The following GSE1 variants were observed in gnomAD, a reference collection of about 807,000 sequenced individuals.
GSE1 encodes Gse1 coiled-coil protein, also known as genetic suppressor element 1.
A neutral mutation model predicts 112.6 loss-of-function variants in GSE1; 32 were observed. The observed-to-expected ratio is 0.28, with a 90% CI of 0.21 to 0.38. The LOEUF (loss-of-function observed/expected upper bound fraction) is 0.38, where lower values mean the gene tolerates loss of function less well. Among genes scored for constraint, GSE1 ranks in the 10% least tolerant of loss-of-function variants. The pLI is 1.00. For missense variants in GSE1, 2,348 were observed against 1,699.2 expected (o/e 1.38, Z -6.71); for synonymous variants, 1,115 against 735.6 (o/e 1.52, Z -8.35).
chr16:85,553,046 TTTC>T (rs1437936060), upstream of GSE1, among the ~76,000 whole-genome samples: 1 of 137,140 alleles, frequency 7.3e-6, no homozygotes, highest in Non-Finnish European at 1.7e-5. Context: ...TAAAAATAGT[TTTC>T]TTTTTTTTTT....
At chr16:85,467,705 T>G (rs572077160) in intron 2 of GSE1, among the ~76,000 whole-genome samples, 57 of 152,300 alleles carry the variant, frequency 3.7e-4, no homozygotes, top group Non-Finnish European at 1.0e-4. Context: ...GCAGCATCAC[T>G]TCTATGGTGG....
intron 10 of GSE1, 47 bp from the exon 11 acceptor site, chr16:85,663,297 A>G: frequency 6.2e-7 from 1 of 1,600,952 alleles, no homozygotes; most frequent in African/African-American, 1.3e-5. Context: ...GTGCAAGCAT[A>G]CCACTGCCAG....
At chr16:85,521,829 G>T (rs1182993054) in intron 2 of GSE1, among the ~76,000 whole-genome samples, 1 of 152,242 alleles carries the variant, frequency 6.6e-6, no homozygotes, top group Non-Finnish European at 1.5e-5. Context: ...GCGCGCTGGC[G>T]CTCAGCCCAG....
chr16:85,381,250 T>C (rs2047540168), intron 2 of GSE1, among the ~76,000 whole-genome samples: 2 of 152,256 alleles, frequency 1.3e-5, no homozygotes. Flanking sequence ...GCGTGGTGTC[T>C]TCCAGGTTCA....
intron 2 of GSE1, among the ~76,000 whole-genome samples, chr16:85,456,031 TGTAA>T (rs1437431371): frequency 6.6e-6 from 1 of 152,186 alleles, no homozygotes; most frequent in Non-Finnish European, 1.5e-5. Context: ...GATACCCAGT[TGTAA>T]GTAACAGAGC....
chr16:85,382,539 G>A (rs1011067917), intron 2 of GSE1, among the ~76,000 whole-genome samples: 4 of 152,166 alleles, frequency 2.6e-5, no homozygotes, highest in Non-Finnish European at 4.4e-5. Flanking sequence ...CGATGAGACA[G>A]CAGAGCCCTT....
intron 1 of GSE1, among the ~76,000 whole-genome samples, chr16:85,267,550 C>T (rs1908385144): frequency 6.6e-6 from 1 of 152,246 alleles, no homozygotes; most frequent in South Asian, 2.1e-4. Flanking sequence ...TAGCCACCCC[C>T]TGCGAGCTTG....
intron 1 of GSE1, among the ~76,000 whole-genome samples, chr16:85,580,984 A>G (rs1177067098): frequency 6.6e-6 from 1 of 152,248 alleles, no homozygotes; most frequent in Non-Finnish European, 1.5e-5. Flanking sequence ...CTGAGCAGAG[A>G]TGCACAGTTG....
chr16:85,583,089 C>T (rs1289480191), intron 1 of GSE1, among the ~76,000 whole-genome samples: 1 of 152,134 alleles, frequency 6.6e-6, no homozygotes, highest in Non-Finnish European at 1.5e-5. Flanking sequence ...AGAGGACACC[C>T]TCCTGCGAGG....
At chr16:85,638,269 G>C (rs1295480461) in intron 2 of GSE1, among the ~76,000 whole-genome samples, 1 of 152,236 alleles carries the variant, frequency 6.6e-6, no homozygotes, top group Non-Finnish European at 1.5e-5. Context: ...AGGAGAGGAA[G>C]AGGAGGCCCT....
chr16:85,649,413 C>T (rs935391813), intron 3 of GSE1, among the ~76,000 whole-genome samples: 6 of 152,218 alleles, frequency 3.9e-5, no homozygotes, highest in African/African-American at 9.6e-5. Flanking sequence ...CCAGCCCAGA[C>T]GCTATCAGAA....
intron 14 of GSE1, among the ~76,000 whole-genome samples, chr16:85,668,899 A>G (rs1261604536): frequency 6.6e-6 from 1 of 152,260 alleles, no homozygotes; most frequent in African/African-American, 2.4e-5. Context: ...ACTTTAGCCA[A>G]GCACTTTGCC....
chr16:85,176,339 C>T (rs191179137), intron 1 of GSE1, among the ~76,000 whole-genome samples: 1 of 152,338 alleles, frequency 6.6e-6, no homozygotes, highest in Non-Finnish European at 1.5e-5. Flanking sequence ...CCCCTCCTTG[C>T]CACAGCCTCT....
At chr16:85,211,947 G>A (rs901218644) in intron 1 of GSE1, among the ~76,000 whole-genome samples, 8 of 152,196 alleles carry the variant, frequency 5.3e-5, no homozygotes, top group East Asian at 1.9e-4. Context: ...TGTCACCCCC[G>A]TGCTGGCATC....
intron 1 of GSE1, among the ~76,000 whole-genome samples, chr16:85,326,528 G>A (rs1242356193): frequency 6.6e-6 from 1 of 152,192 alleles, no homozygotes; most frequent in Non-Finnish European, 1.5e-5. Flanking sequence ...GTGATCATGA[G>A]TTTGGCATTT....
intron 1 of GSE1, among the ~76,000 whole-genome samples, chr16:85,199,029 C>G (rs35969077): frequency 2.0e-5 from 3 of 152,062 alleles, no homozygotes; most frequent in African/African-American, 7.2e-5. Flanking sequence ...ACCACAACCT[C>G]TGCCTCCCTG....
At chr16:85,645,240 C>T (rs1041176843) in intron 2 of GSE1, among the ~76,000 whole-genome samples, 19 of 152,090 alleles carry the variant, frequency 1.2e-4, no homozygotes, top group African/African-American at 4.6e-4. Context: ...AGCCCTCAGC[C>T]TCATTCCCCA....
intron 1 of GSE1, among the ~76,000 whole-genome samples, chr16:85,348,143 C>G (rs547617246): frequency 3.3e-5 from 5 of 152,320 alleles, no homozygotes; most frequent in Admixed American, 3.3e-4. Flanking sequence ...AGGCCACCTA[C>G]CTGTCCTCCA....
intron 2 of GSE1, among the ~76,000 whole-genome samples, chr16:85,437,643 A>G (rs374603187): frequency 1.1e-3 from 166 of 152,244 alleles, no homozygotes; most frequent in African/African-American, 3.9e-3. Context: ...CAGCCTGCGC[A>G]GGAGCCGCCT....
Sources: gnomAD v4.1 joint callset for allele counts (sites outside exome capture counted in the v4.1 genomes callset) on GRCh38, gnomAD v4.1.1 for gene constraint, MANE v1.5 for transcripts, NCBI Gene and HGNC (gene_info 2026-07-23, HGNC 2026-07-21) for gene names.